Variants in CEPT1 observed in about 807,000 individuals in gnomAD.
CEPT1 encodes choline/ethanolamine phosphotransferase 1.
In CEPT1, 7 loss-of-function variants were observed where a neutral mutation model predicts 42.6. The observed-to-expected ratio is 0.16, with a 90% CI of 0.09 to 0.31. CEPT1 has a LOEUF of 0.31. CEPT1 is among the 10% of genes least tolerant of loss of function. The pLI is 1.00. For synonymous variants in CEPT1, 171 were observed against 171.9 expected (o/e 0.99, Z 0.04); for missense variants, 306 against 502.1 (o/e 0.61, Z 3.73).
intron 4 of CEPT1, among the ~76,000 whole-genome samples, chr1:111,166,834 T>C (rs1656167304): frequency 6.6e-6 from 1 of 152,210 alleles, no homozygotes; most frequent in African/African-American, 2.4e-5. Flanking sequence ...TCTGTGATTT[T>C]AGTATTAGTG....
chr1:111,167,667 G>A lies in CEPT1; in HGVS notation c.629+6371G>A, dbSNP rs946006905. The A allele has an allele frequency of 3.1e-6, 3 of 979,868 alleles. No homozygotes were observed. The African/African-American group carries it at 5.3e-5, about 17-fold the overall frequency. The allele number at this position is 979,868 out of a possible 1,614,324, so 60.7% of individuals were successfully genotyped here. On this transcript the variant is annotated intron_variant, in intron 4 of 8. Coordinates refer to ENST00000357172, the MANE Select transcript of CEPT1 (RefSeq NM_006090.5). The stretch of plus-strand genomic sequence containing the variant: ...GCAGTCTAGTACTAGTTCTGCTTGA[G>A]TTTACAGCAGTCTTGGTGTTGTATA...
At chr1:111,161,073 T>C in intron 3 of CEPT1, 82 bp from the exon 4 acceptor site, 1 of 1,423,320 alleles carries the variant, frequency 7.0e-7, no homozygotes. Context: ...CAGCATATCT[T>C]TTTGTCTCAT....
intron 4 of CEPT1, among the ~76,000 whole-genome samples, chr1:111,164,978 T>C (rs887984931): frequency 6.6e-6 from 1 of 151,756 alleles, no homozygotes; most frequent in South Asian, 2.1e-4. Context: ...GAATCATTTC[T>C]ATAAGTTAAA....
At chr1:111,173,385 A>G (rs1656517685) in intron 4 of CEPT1, 1 of 152,204 alleles carries the variant, frequency 6.6e-6, no homozygotes, top group East Asian at 1.9e-4. Flanking sequence ...TTCTTGGGCA[A>G]ACAAAGACCC....
In CEPT1 at chr1:111,145,562, C is replaced by T. The variant is rs1267259828; in HGVS notation, c.-73-2080C>T. Among the ~76,000 whole-genome samples the T allele has an allele frequency of 2.0e-5, 3 of 152,132 alleles. No homozygotes were observed. The East Asian group carries it at 5.8e-4, about 29-fold the overall frequency. Reference sequence around the variant, plus strand: ...TTCCATTGTGTTCACATGTCCATACCAGGCTGTGGGGTGAGTGTCCCCCTG... The same window carrying T: ...TTCCATTGTGTTCACATGTCCATACTAGGCTGTGGGGTGAGTGTCCCCCTG... On this transcript the variant is annotated intron_variant, in intron 1 of 8. Coordinates refer to ENST00000357172, the MANE Select transcript of CEPT1 (RefSeq NM_006090.5).
intron 2 of CEPT1, among the ~76,000 whole-genome samples, chr1:111,151,750 T>C (rs1048902988): frequency 2.6e-5 from 4 of 152,210 alleles, no homozygotes; most frequent in African/African-American, 9.7e-5. Flanking sequence ...AAGATCTAGC[T>C]ATGTTAATAG....
At chr1:111,179,277 A>G (rs1656852827) in intron 5 of CEPT1, 1 of 152,210 alleles carries the variant, frequency 6.6e-6, no homozygotes, top group Non-Finnish European at 1.5e-5. Flanking sequence ...ATTTGGATGC[A>G]TACCTTCATG....
intron 4 of CEPT1, among the ~76,000 whole-genome samples, chr1:111,161,608 T>C (rs1389005559): frequency 6.6e-6 from 1 of 152,230 alleles, no homozygotes; most frequent in Non-Finnish European, 1.5e-5. Context: ...CTTAATTCCA[T>C]TTTTATTTTC....
chr1:111,145,352 G>A (rs1372862182), intron 1 of CEPT1, among the ~76,000 whole-genome samples: 1 of 152,200 alleles, frequency 6.6e-6, no homozygotes, highest in African/African-American at 2.4e-5. Context: ...TTAAATTGTG[G>A]CACTGATGAG....
intron 4 of CEPT1, among the ~76,000 whole-genome samples, chr1:111,162,482 A>G (rs1239305884): frequency 6.6e-6 from 1 of 152,218 alleles, no homozygotes; most frequent in Non-Finnish European, 1.5e-5. Context: ...GGATGAAGGT[A>G]GAGAAAGGCA....
intron 4 of CEPT1, among the ~76,000 whole-genome samples, chr1:111,173,691 T>C (rs185186813): frequency 7.4e-4 from 112 of 152,276 alleles, no homozygotes; most frequent in Non-Finnish European, 1.4e-3. Context: ...TACTCCCCAA[T>C]AGGTAGCCAC....
At chr1:111,171,706 C>T (rs74898712) in intron 4 of CEPT1, among the ~76,000 whole-genome samples, 3,618 of 152,210 alleles carry the variant, frequency 0.024, 141 homozygotes, top group African/African-American at 0.08. Context: ...CTTTTGACGA[C>T]CTATATTAAA....
chr1:111,158,778 C>G (rs1557929297), intron 2 of CEPT1, among the ~76,000 whole-genome samples: 1 of 151,850 alleles, frequency 6.6e-6, no homozygotes, highest in African/African-American at 2.4e-5. Context: ...CCCTTCTAAT[C>G]TAAAGAATCT....
At chr1:111,155,854 A>G (rs780336831) in intron 2 of CEPT1, among the ~76,000 whole-genome samples, 1 of 152,110 alleles carries the variant, frequency 6.6e-6, no homozygotes. Context: ...TCATGTACAT[A>G]TATAACCCAC....
At chr1:111,161,017 C>A in intron 3 of CEPT1, 138 bp from the exon 4 acceptor site, 1 of 824,064 alleles carries the variant, frequency 1.2e-6, no homozygotes. Flanking sequence ...AGATTATATC[C>A]TACTTTTCTG....
chr1:111,162,166 T>C (rs938245071), intron 4 of CEPT1, among the ~76,000 whole-genome samples: 1 of 152,208 alleles, frequency 6.6e-6, no homozygotes, highest in Non-Finnish European at 1.5e-5. Flanking sequence ...CAGGGAACTT[T>C]TGCAGGACCT....
chr1:111,165,362 TAA>T (rs903788600), intron 4 of CEPT1, among the ~76,000 whole-genome samples: 1 of 145,808 alleles, frequency 6.9e-6, no homozygotes, highest in African/African-American at 2.5e-5. Flanking sequence ...ACATCGGTCT[TAA>T]AAAAAAAAAA....
At chr1:111,146,073 ATTCT>A (rs1457350383) in intron 1 of CEPT1, among the ~76,000 whole-genome samples, 4 of 148,472 alleles carry the variant, frequency 2.7e-5, no homozygotes, top group African/African-American at 5.0e-5. Context: ...TTCTATTAAG[ATTCT>A]TTCTTTTTTT....
intron 4 of CEPT1, 23 bp from the exon 5 acceptor site, chr1:111,174,856 T>A: frequency 4.0e-6 from 6 of 1,484,178 alleles, no homozygotes; most frequent in Non-Finnish European, 4.7e-6. Context: ...ATTCTGCTCT[T>A]TTGGCTTTTT....
Sources: allele counts gnomAD v4.1 joint callset (sites outside exome capture counted in the v4.1 genomes callset), GRCh38; gene constraint gnomAD v4.1.1; transcripts MANE v1.5; gene names NCBI Gene and HGNC (gene_info 2026-07-23, HGNC 2026-07-21).